The following CEP20 variants were observed in gnomAD, a reference collection of about 807,000 sequenced individuals.
CEP20 encodes the protein FGFR1OP N-terminal like.
CEP20 carries 18 observed loss-of-function variants against 20.0 expected under a neutral mutation model. The observed-to-expected ratio is 0.90, with a 90% CI of 0.62 to 1.34. The LOEUF is 1.34. Ranked by LOEUF, CEP20 falls within the 40% of genes most tolerant of loss-of-function variation. The pLI is 0.00. For synonymous variants in CEP20, 77 were observed against 73.7 expected, an observed-to-expected ratio of 1.04 and a Z score of -0.23; for missense variants, 215 against 201.6, an observed-to-expected ratio of 1.07 and a Z score of -0.40.
At chr16:15,882,291 C>T (rs146856264) in intron 2 of CEP20, among the ~76,000 whole-genome samples, 4 of 152,260 alleles carry the variant, frequency 2.6e-5, no homozygotes, top group Non-Finnish European at 4.4e-5. Context: ...CCTGTAATCC[C>T]AACATTTTGG....
chr16:15,865,737 T>C lies in CEP20; in HGVS notation c.*1703A>G, dbSNP rs911526680. On this transcript the variant is annotated 3_prime_UTR_variant, in exon 5 of 5. Transcript: ENST00000255759. ...ACCAAAGTGACTTGCTTATTTTTTT[T>C]ATTAAATGATACATTGAAAGTATAA... 1 of 152,200 alleles carries C rather than the reference T, an allele frequency of 6.6e-6. No individual in the cohort carries two copies. The highest frequency in any genetic ancestry group is 1.9e-4 in the East Asian group (1 of 5,196). 9.4% of individuals were successfully genotyped at this position (152,200 alleles called of 1,614,324 possible).
chr16:15,888,072 TC>T (rs1468795664), intron 1 of CEP20, among the ~76,000 whole-genome samples: 16 of 134,414 alleles, frequency 1.2e-4, no homozygotes, highest in Non-Finnish European at 7.9e-5. Context: ...AGAGACCCTC[TC>T]TTTAAAAAAA....
In CEP20 at chr16:15,866,864, G is replaced by C. The variant is rs1465039977; in HGVS notation, c.*576C>G. The stretch of plus-strand genomic sequence containing the variant: ...AAAGTACATTGTTGCCTATTGAAAA[G>C]GTAATACAAAGCCCTTTCATTTCCT... On this transcript the variant is annotated 3_prime_UTR_variant, in exon 5 of 5. Coordinates refer to ENST00000255759, the MANE Select transcript of CEP20 (RefSeq NM_144600.4). The C allele has an allele frequency of 2.0e-5, 3 of 152,238 alleles. No individual in the cohort carries two copies. Among genetic ancestry groups the C allele is most frequent in the Non-Finnish European group, 4.4e-5 (3 of 68,034 alleles). 9.4% of individuals were successfully genotyped at this position (152,238 alleles called of 1,614,324 possible). A position where few individuals can be genotyped will look rare whatever the true frequency, so the allele number is the denominator to read the frequency against.
At chr16:15,879,563 A>G (rs1228977030) in intron 3 of CEP20, among the ~76,000 whole-genome samples, 1 of 152,206 alleles carries the variant, frequency 6.6e-6, no homozygotes, top group Non-Finnish European at 1.5e-5. Flanking sequence ...ACAAAGGATC[A>G]AGAAGTCAAA....
intron 1 of CEP20, among the ~76,000 whole-genome samples, chr16:15,888,170 C>T (rs1214169436): frequency 6.6e-6 from 1 of 151,644 alleles, no homozygotes; most frequent in Non-Finnish European, 1.5e-5. Flanking sequence ...TAGGGCAGTG[C>T]CTAACCCAAT....
intron 2 of CEP20, among the ~76,000 whole-genome samples, chr16:15,880,842 A>G (rs12597226): frequency 0.069 from 10,498 of 152,070 alleles, 483 homozygotes; most frequent in East Asian, 0.22. Flanking sequence ...TGTGAACTGC[A>G]CATGCGAGGG....
intron 1 of CEP20, chr16:15,886,110 A>T (rs1252775943): frequency 6.6e-6 from 1 of 152,262 alleles, no homozygotes. Flanking sequence ...AAATCAATGT[A>T]GTTTAACACT....
chr16:15,876,371 AGG>A (rs2044948211), intron 3 of CEP20, among the ~76,000 whole-genome samples: 1 of 151,892 alleles, frequency 6.6e-6, no homozygotes, highest in African/African-American at 2.4e-5. Context: ...GCTACTTGGG[AGG>A]CTGAGGCAGG....
chr16:15,881,380 TAACA>T (rs1028269973), intron 2 of CEP20, among the ~76,000 whole-genome samples: 5 of 152,206 alleles, frequency 3.3e-5, no homozygotes, highest in African/African-American at 9.7e-5. Flanking sequence ...CAGCCATCTA[TAACA>T]AACAAAGGAA....
intron 1 of CEP20, among the ~76,000 whole-genome samples, chr16:15,885,247 G>T (rs1300777270): frequency 6.6e-6 from 1 of 151,766 alleles, no homozygotes; most frequent in Admixed American, 6.6e-5. Context: ...GGTGGAGGGT[G>T]CAGTGAGCTG....
chr16:15,866,564 G>GT lies in CEP20; in HGVS notation c.*875dup, dbSNP rs563625925. 5.3e-5 allele frequency: 8 copies of GT among 152,240 alleles called. No homozygotes were observed. In the South Asian group the frequency reaches 1.4e-3, roughly 28 times the overall value. 9.4% of individuals were successfully genotyped at this position (152,240 alleles called of 1,614,324 possible). ...TCCCAAGAATAAAAATTGATGTTTGGTAAGAGTTTCGGAGCCCAAACAAGT... is the reference window on the plus strand; with the variant it reads ...TCCCAAGAATAAAAATTGATGTTTGGTTAAGAGTTTCGGAGCCCAAACAAGT... On this transcript the variant is annotated 3_prime_UTR_variant, in exon 5 of 5. Transcript: ENST00000255759.
At chr16:15,874,547 C>A (rs766701622) in intron 3 of CEP20, among the ~76,000 whole-genome samples, 14 of 152,192 alleles carry the variant, frequency 9.2e-5, no homozygotes, top group Non-Finnish European at 1.5e-4. Flanking sequence ...AGCTGCTCTG[C>A]TGACAATCAA....
intron 3 of CEP20, among the ~76,000 whole-genome samples, chr16:15,876,035 T>G (rs1358322768): frequency 6.6e-6 from 1 of 150,468 alleles, no homozygotes; most frequent in Non-Finnish European, 1.5e-5. Flanking sequence ...GAGGCAGAGG[T>G]TGCAGTGAGC....
intron 4 of CEP20, among the ~76,000 whole-genome samples, chr16:15,870,857 C>T (rs1446792248): frequency 3.1e-5 from 2 of 64,138 alleles, no homozygotes; most frequent in Non-Finnish European, 6.5e-5. Context: ...GAATATGAAA[C>T]AAAGTTAAAA....
chr16:15,866,574 C>T lies in CEP20; in HGVS notation c.*866G>A, dbSNP rs1229058290. 1 of 152,170 alleles carries T rather than the reference C, an allele frequency of 6.6e-6. No homozygotes were observed. The highest frequency in any genetic ancestry group is 6.5e-5 in the Admixed American group (1 of 15,268). 9.4% of individuals were successfully genotyped at this position (152,170 alleles called of 1,614,324 possible). A position where few individuals can be genotyped will look rare whatever the true frequency, so the allele number is the denominator to read the frequency against. On this transcript the variant is annotated 3_prime_UTR_variant, in exon 5 of 5. Coordinates refer to ENST00000255759, the MANE Select transcript of CEP20 (RefSeq NM_144600.4). ...AAAAATTGATGTTTGGTAAGAGTTT[C>T]GGAGCCCAAACAAGTAGGGGGCTGG...
rs370123811 is a variant in CEP20 at position 15,878,682 on chromosome 16, T to C, written c.311+1122A>G. Reference sequence around the variant, plus strand: ...TTGCTAATCTTTTTGTTATTTTTAGTAGAGATGGGGTTTCGCCATGTTGAC... The same window carrying C: ...TTGCTAATCTTTTTGTTATTTTTAGCAGAGATGGGGTTTCGCCATGTTGAC... On this transcript the variant is annotated intron_variant, in intron 3 of 4. Coordinates refer to ENST00000255759, the MANE Select transcript of CEP20 (RefSeq NM_144600.4). Among the ~76,000 whole-genome samples, 122 of 152,196 alleles carry C rather than the reference T, an allele frequency of 8.0e-4. No individual in the cohort carries two copies. The East Asian group carries it at 0.012, about 15-fold the overall frequency.
chr16:15,868,972 G>A (rs980580432), intron 4 of CEP20, among the ~76,000 whole-genome samples: 1 of 151,952 alleles, frequency 6.6e-6, no homozygotes, highest in Admixed American at 6.6e-5. Flanking sequence ...GGAGGCTGAG[G>A]TGGGAGGATC....
At chr16:15,878,005 G>C (rs762106532) in intron 3 of CEP20, among the ~76,000 whole-genome samples, 1 of 151,894 alleles carries the variant, frequency 6.6e-6, no homozygotes, top group African/African-American at 2.4e-5. Context: ...GGTGAGCTGA[G>C]ATGGGGCCAC....
rs1180760776 is a variant in CEP20, at chr16:15,866,890, T to A, written c.*550A>T. 1 of 152,318 alleles carries A rather than the reference T, an allele frequency of 6.6e-6. No individual in the cohort carries two copies. The highest frequency in any genetic ancestry group is 2.4e-5 in the African/African-American group (1 of 41,458). 9.4% of individuals were successfully genotyped at this position (152,318 alleles called of 1,614,324 possible). ...GTAATACAAAGCCCTTTCATTTCCT[T>A]ACAAACTTTAAGGGCCTTTATAATA... On this transcript the variant is annotated 3_prime_UTR_variant, in exon 5 of 5. Transcript: ENST00000255759.
Sources: gnomAD v4.1 joint callset for allele counts (sites outside exome capture counted in the v4.1 genomes callset) on GRCh38, gnomAD v4.1.1 for gene constraint, MANE v1.5 for transcripts, NCBI Gene and HGNC (gene_info 2026-07-23, HGNC 2026-07-21) for gene names.